SGMS1: variants seen among roughly 807,000 people sequenced by gnomAD.
The protein encoded by SGMS1 is sphingomyelin synthase 1.
SGMS1 carries 13 observed loss-of-function variants against 46.2 expected under a neutral mutation model. The observed-to-expected ratio is 0.28, with a 90% CI of 0.18 to 0.45. The LOEUF (loss-of-function observed/expected upper bound fraction) is 0.45, where lower values mean the gene tolerates loss of function less well. Among genes scored for constraint, SGMS1 ranks in the 20% least tolerant of loss-of-function variants. The pLI is 1.00. For synonymous variants in SGMS1, 203 were observed against 187.8 expected (o/e 1.08, Z -0.66); for missense variants, 324 against 519.9 (o/e 0.62, Z 3.66).
chr10:50,312,245 G>A (rs1464773823), intron 8 of SGMS1, among the ~76,000 whole-genome samples: 1 of 151,296 alleles, frequency 6.6e-6, no homozygotes, highest in African/African-American at 2.4e-5. Flanking sequence ...TCTAGCTTTG[G>A]GCAACATGTT....
At chr10:50,366,917 C>T (rs1466859098) in intron 6 of SGMS1, among the ~76,000 whole-genome samples, 1 of 152,100 alleles carries the variant, frequency 6.6e-6, no homozygotes, top group East Asian at 1.9e-4. Flanking sequence ...AACAAAACTG[C>T]ACGTTCTGCA....
At chr10:50,332,951 ACAAACT>A (rs1847652068) in intron 7 of SGMS1, among the ~76,000 whole-genome samples, 1 of 152,140 alleles carries the variant, frequency 6.6e-6, no homozygotes, top group Non-Finnish European at 1.5e-5. Flanking sequence ...TTCCCTAAAC[ACAAACT>A]CAATTTCTTG....
intron 6 of SGMS1, among the ~76,000 whole-genome samples, chr10:50,384,867 T>C (rs1178544215): frequency 1.3e-5 from 2 of 152,204 alleles, no homozygotes; most frequent in African/African-American, 2.4e-5. Context: ...GATAGTACAA[T>C]GATCAAAACC....
In SGMS1 at chr10:50,306,604, A is replaced by G. The variant is rs1847184756; in HGVS notation, c.*538T>C. On this transcript the variant is annotated 3_prime_UTR_variant, in exon 11 of 11. Transcript: ENST00000361781. ...CCTTTGCTGATTTTACAAAACCCAA[A>G]GTTACCAAACCTTTCTGTGTCTATC... 1 of 152,764 alleles carries G rather than the reference A, an allele frequency of 6.5e-6. No homozygotes were observed. Among genetic ancestry groups the G allele is most frequent in the African/African-American group, 2.4e-5 (1 of 41,450 alleles). The allele number at this position is 152,764 out of a possible 1,614,324, so 9.5% of individuals were successfully genotyped here. A position where few individuals can be genotyped will look rare whatever the true frequency, so the allele number is the denominator to read the frequency against.
intron 7 of SGMS1, among the ~76,000 whole-genome samples, chr10:50,337,000 G>A (rs1234105720): frequency 6.6e-6 from 1 of 152,128 alleles, no homozygotes; most frequent in Non-Finnish European, 1.5e-5. Context: ...CTACATGTGT[G>A]GAGGGAATAG....
At chr10:50,384,494 T>A (rs917003218) in intron 6 of SGMS1, among the ~76,000 whole-genome samples, 1 of 151,350 alleles carries the variant, frequency 6.6e-6, no homozygotes, top group African/African-American at 2.4e-5. Flanking sequence ...CCATCCCTGC[T>A]TGCCTTCCTT....
chr10:50,593,211 T>C (rs1272460463), intron 1 of SGMS1, among the ~76,000 whole-genome samples: 1 of 152,210 alleles, frequency 6.6e-6, no homozygotes, highest in African/African-American at 2.4e-5. Context: ...GTGAGCCATC[T>C]TGGAACCAGA....
chr10:50,609,527 T>TTTG (rs1418796053), intron 1 of SGMS1, among the ~76,000 whole-genome samples: 1 of 150,460 alleles, frequency 6.6e-6, no homozygotes, highest in Non-Finnish European at 1.5e-5. Context: ...AATAGTTTTT[T>TTTG]TTTTTTTTTT....
intron 8 of SGMS1, among the ~76,000 whole-genome samples, chr10:50,312,504 T>G (rs1413129281): frequency 2.0e-5 from 3 of 152,108 alleles, no homozygotes; most frequent in African/African-American, 7.2e-5. Context: ...GAAGAGACTC[T>G]AAAGCCTCCA....
intron 4 of SGMS1, among the ~76,000 whole-genome samples, chr10:50,461,300 G>A (rs939932958): frequency 6.6e-6 from 1 of 152,042 alleles, no homozygotes; most frequent in Non-Finnish European, 1.5e-5. Flanking sequence ...ACCCTCATAA[G>A]TAACAGCTTT....
At chr10:50,377,996 A>G (rs1394495649) in intron 6 of SGMS1, among the ~76,000 whole-genome samples, 1 of 152,242 alleles carries the variant, frequency 6.6e-6, no homozygotes, top group Non-Finnish European at 1.5e-5. Flanking sequence ...CAAGAGCCTT[A>G]ATCACATGTT....
At chr10:50,416,382 G>GA (rs774003186) in intron 6 of SGMS1, among the ~76,000 whole-genome samples, 2 of 152,158 alleles carry the variant, frequency 1.3e-5, no homozygotes, top group Non-Finnish European at 2.9e-5. Flanking sequence ...GGACTATTGT[G>GA]AAAACTAAAT....
At chr10:50,326,115 G>C (rs1847527956) in intron 8 of SGMS1, among the ~76,000 whole-genome samples, 1 of 151,964 alleles carries the variant, frequency 6.6e-6, no homozygotes, top group South Asian at 2.1e-4. Flanking sequence ...TTGTATGACA[G>C]CTCTTCCAGA....
intron 1 of SGMS1, among the ~76,000 whole-genome samples, chr10:50,599,370 C>T (rs1483849377): frequency 6.6e-6 from 1 of 152,092 alleles, no homozygotes; most frequent in Non-Finnish European, 1.5e-5. Flanking sequence ...TAATAAAACA[C>T]GTAGGAACAG....
intron 6 of SGMS1, among the ~76,000 whole-genome samples, chr10:50,408,467 CTT>C (rs1397887559): frequency 7.4e-6 from 1 of 135,278 alleles, no homozygotes; most frequent in Admixed American, 7.3e-5. Flanking sequence ...AAAATAAAAA[CTT>C]TTTTTAATTA....
At chr10:50,571,599 C>A (rs939309865) in intron 2 of SGMS1, among the ~76,000 whole-genome samples, 2 of 152,010 alleles carry the variant, frequency 1.3e-5, no homozygotes, top group Non-Finnish European at 2.9e-5. Context: ...ATGATAATAA[C>A]ATCTGCTGTG....
intron 6 of SGMS1, among the ~76,000 whole-genome samples, chr10:50,408,615 A>G (rs186306364): frequency 2.3e-3 from 354 of 152,034 alleles, no homozygotes; most frequent in Middle Eastern, 6.8e-3. Context: ...CCTGGGAGGC[A>G]GAGGTTGCAG....
At chr10:50,367,468 G>A (rs1215658228) in intron 6 of SGMS1, among the ~76,000 whole-genome samples, 1 of 152,092 alleles carries the variant, frequency 6.6e-6, no homozygotes, top group Non-Finnish European at 1.5e-5. Flanking sequence ...AGCATTCCTC[G>A]CCATGACAGC....
chr10:50,398,152 G>A (rs923500309), intron 6 of SGMS1, among the ~76,000 whole-genome samples: 17 of 152,008 alleles, frequency 1.1e-4, no homozygotes, highest in African/African-American at 4.1e-4. Flanking sequence ...CCACTCTCTC[G>A]GAGCTTCTTA....
Sources: gnomAD v4.1 joint callset for allele counts (sites outside exome capture counted in the v4.1 genomes callset) on GRCh38, gnomAD v4.1.1 for gene constraint, MANE v1.5 for transcripts, NCBI Gene and HGNC (gene_info 2026-07-23, HGNC 2026-07-21) for gene names.